Variants in FAT4 observed in about 807,000 individuals in gnomAD.
FAT4 encodes the protein protocadherin Fat 4.
FAT4 carries 84 observed loss-of-function variants against 303.9 expected under a neutral mutation model. That is an observed-to-expected ratio of 0.28 (90% CI 0.23 to 0.33). The LOEUF is 0.33. FAT4 is among the 10% of genes least tolerant of loss of function. The probability of loss-of-function intolerance (pLI) is 1.00; values close to 1 mark genes in which losing one functional copy is unlikely to be tolerated. For synonymous variants in FAT4, 2,307 were observed against 2,298.8 expected (o/e 1.00, Z -0.10); for missense variants, 6,005 against 6,146.8 (o/e 0.98, Z 0.77).
Position 125,389,082 on chromosome 4 carries a change from A to G in FAT4, c.5176-9702A>G, listed in dbSNP as rs1281591504. Among the ~76,000 whole-genome samples, 3 of 152,164 alleles carry G rather than the reference A, an allele frequency of 2.0e-5. No homozygotes were observed. In the East Asian group the frequency reaches 5.8e-4, roughly 29 times the overall value. The stretch of plus-strand genomic sequence containing the variant: ...AGTACATTCAGTTTTAAAACTCATT[A>G]TGATTAATTTTACTTTCCTTAAAAA... On this transcript the variant is annotated intron_variant, in intron 2 of 17. Transcript: ENST00000394329.
chr4:125,388,711 C>T (rs1733860662), intron 2 of FAT4, among the ~76,000 whole-genome samples: 1 of 152,090 alleles, frequency 6.6e-6, no homozygotes, highest in Non-Finnish European at 1.5e-5. Context: ...TTGCCTTTGC[C>T]TTAAAATAAA....
chr4:125,385,491 A>T (rs2126002163), intron 2 of FAT4, among the ~76,000 whole-genome samples: 1 of 152,230 alleles, frequency 6.6e-6, no homozygotes, highest in African/African-American at 2.4e-5. Flanking sequence ...CATCTGTTTT[A>T]TTTTTCCAGT....
chr4:125,482,294 C>A (rs1180419726), intron 16 of FAT4, among the ~76,000 whole-genome samples: 1 of 152,038 alleles, frequency 6.6e-6, no homozygotes, highest in African/African-American at 2.4e-5. Flanking sequence ...CTTAACCTTT[C>A]CAAATAATTT....
intron 2 of FAT4, among the ~76,000 whole-genome samples, chr4:125,326,853 C>T (rs1254525831): frequency 6.6e-6 from 1 of 152,088 alleles, no homozygotes; most frequent in African/African-American, 2.4e-5. Flanking sequence ...GGTAAAACCC[C>T]ATCTCTACTA....
At chr4:125,427,466 A>T (rs1725121749) in intron 7 of FAT4, among the ~76,000 whole-genome samples, 1 of 152,074 alleles carries the variant, frequency 6.6e-6, no homozygotes, top group Non-Finnish European at 1.5e-5. Context: ...ATAAGCATAT[A>T]TGTAGAACTA....
At chr4:125,401,298 G>T (rs932678830) in intron 3 of FAT4, among the ~76,000 whole-genome samples, 2 of 151,886 alleles carry the variant, frequency 1.3e-5, no homozygotes, top group African/African-American at 2.4e-5. Context: ...TCTTTTTGTT[G>T]TTGTTTTTAG....
chr4:125,489,132 T>C (rs890463592), intron 17 of FAT4, among the ~76,000 whole-genome samples: 1 of 152,204 alleles, frequency 6.6e-6, no homozygotes, highest in African/African-American at 2.4e-5. Flanking sequence ...ATATGGTTAT[T>C]ATAGAATGTT....
chr4:125,476,319 C>T (rs962887939), intron 13 of FAT4, 63 bp downstream of exon 13: 1 of 870,626 alleles, frequency 1.1e-6, no homozygotes, highest in Admixed American at 2.5e-5. Flanking sequence ...AAACTTTATA[C>T]CTAAAAATAA....
At chr4:125,431,279 C>T (rs1192316796) in intron 7 of FAT4, among the ~76,000 whole-genome samples, 1 of 152,142 alleles carries the variant, frequency 6.6e-6, no homozygotes, top group Non-Finnish European at 1.5e-5. Flanking sequence ...CTTGAAATCT[C>T]ACTGTAAGTC....
chr4:125,488,619 C>A (rs1175121375), intron 17 of FAT4, among the ~76,000 whole-genome samples: 1 of 152,128 alleles, frequency 6.6e-6, no homozygotes, highest in Non-Finnish European at 1.5e-5. Flanking sequence ...AAGGGTAGGT[C>A]AGCAAGAGAG....
chr4:125,372,645 C>T (rs530880396), intron 2 of FAT4, among the ~76,000 whole-genome samples: 73 of 152,092 alleles, frequency 4.8e-4, no homozygotes, highest in African/African-American at 1.7e-3. Flanking sequence ...ACATACGTGG[C>T]ACAATGATTC....
intron 11 of FAT4, among the ~76,000 whole-genome samples, chr4:125,466,718 T>C (rs1384742038): frequency 6.6e-6 from 1 of 150,916 alleles, no homozygotes; most frequent in Non-Finnish European, 1.5e-5. Context: ...TTTCTATAAT[T>C]CCTTTGCCTT....
chr4:125,475,916 G>A (rs1727012423), intron 12 of FAT4, among the ~76,000 whole-genome samples: 2 of 151,962 alleles, frequency 1.3e-5, no homozygotes, highest in South Asian at 2.1e-4. Context: ...ATAAAACAGG[G>A]GAGCAGGAGA....
intron 7 of FAT4, among the ~76,000 whole-genome samples, chr4:125,422,232 T>C (rs1428382782): frequency 6.6e-6 from 1 of 152,212 alleles, no homozygotes; most frequent in African/African-American, 2.4e-5. Flanking sequence ...GATGATAATA[T>C]TGGTAATTAT....
At chr4:125,444,238 G>T (rs1380369442) in intron 8 of FAT4, among the ~76,000 whole-genome samples, 1 of 152,110 alleles carries the variant, frequency 6.6e-6, no homozygotes. Context: ...TCTGGAGGCT[G>T]GGAAGTCTAA....
chr4:125,468,873 G>T, intron 12 of FAT4, 54 bp downstream of exon 12: 1 of 1,520,816 alleles, frequency 6.6e-7, no homozygotes, highest in Non-Finnish European at 8.9e-7. Context: ...TTCAAATAAA[G>T]TATGAATTGG....
chr4:125,421,611 A>G (rs946248102), intron 7 of FAT4, among the ~76,000 whole-genome samples: 3 of 152,236 alleles, frequency 2.0e-5, no homozygotes, highest in African/African-American at 7.2e-5. Flanking sequence ...ACAAACTGGT[A>G]TGACACTTTG....
intron 12 of FAT4, among the ~76,000 whole-genome samples, chr4:125,469,244 T>C (rs887109126): frequency 6.6e-6 from 1 of 152,226 alleles, no homozygotes; most frequent in Admixed American, 6.5e-5. Context: ...AACAATAGTC[T>C]TAGCTAGTCA....
intron 2 of FAT4, among the ~76,000 whole-genome samples, chr4:125,361,170 A>T (rs1463867287): frequency 7.2e-5 from 11 of 152,134 alleles, no homozygotes; most frequent in African/African-American, 2.4e-4. Flanking sequence ...ATTAGATCTC[A>T]ATTCTCTCCT....
Sources: allele counts gnomAD v4.1 joint callset (sites outside exome capture counted in the v4.1 genomes callset), GRCh38; gene constraint gnomAD v4.1.1; transcripts MANE v1.5; gene names NCBI Gene and HGNC (gene_info 2026-07-23, HGNC 2026-07-21).